PPARGC1A: variants seen among roughly 807,000 people sequenced by gnomAD.
PPARGC1A encodes the protein PPARG coactivator 1 alpha, also known as peroxisome proliferator-activated receptor gamma coactivator 1-alpha.
In PPARGC1A, 25 loss-of-function variants were observed where a neutral mutation model predicts 88.7. The ratio of observed to expected loss-of-function variants is 0.28; its 90% CI spans 0.21 to 0.39. The LOEUF is 0.39. Among genes scored for constraint, PPARGC1A ranks in the 10% least tolerant of loss-of-function variants. The pLI, the probability that PPARGC1A is intolerant of heterozygous loss-of-function variation, is 1.00. For synonymous variants in PPARGC1A, 363 were observed against 355.6 expected, an observed-to-expected ratio of 1.02 and a Z score of -0.24; for missense variants, 880 against 968.7, an observed-to-expected ratio of 0.91 and a Z score of 1.22.
the PPARGC1A span, among the ~76,000 whole-genome samples, chr4:24,202,640 C>G: frequency 3.9e-5 from 6 of 152,268 alleles, no homozygotes; most frequent in East Asian, 1.2e-3. Flanking sequence ...TGAGTCAACT[C>G]TCTTCTTCCT....
chr4:24,323,377 G>T, the PPARGC1A span, among the ~76,000 whole-genome samples: 2 of 152,126 alleles, frequency 1.3e-5, no homozygotes, highest in African/African-American at 4.8e-5. Context: ...AATCACAAAA[G>T]AAGTGAAAAG....
At chr4:23,984,930 T>C in the PPARGC1A span, among the ~76,000 whole-genome samples, 2 of 152,082 alleles carry the variant, frequency 1.3e-5, no homozygotes. Flanking sequence ...TCTTGATGCC[T>C]TGGGGAAGAT....
At chr4:24,088,622 G>A in the PPARGC1A span, among the ~76,000 whole-genome samples, 2 of 152,084 alleles carry the variant, frequency 1.3e-5, no homozygotes, top group Admixed American at 6.5e-5. Context: ...GTACTTGTAA[G>A]AATTATAAGT....
chr4:23,855,079 G>A (rs957754291), intron 2 of PPARGC1A, among the ~76,000 whole-genome samples: 5 of 152,092 alleles, frequency 3.3e-5, no homozygotes, highest in Admixed American at 6.6e-5. Context: ...TCATGAGATC[G>A]ATGGTTTTAT....
At chr4:24,351,880 G>C in the PPARGC1A span, among the ~76,000 whole-genome samples, 1 of 152,046 alleles carries the variant, frequency 6.6e-6, no homozygotes, top group African/African-American at 2.4e-5. Context: ...ACAAAGAAGA[G>C]AAAGGGTGTT....
chr4:24,145,688 G>A, the PPARGC1A span, among the ~76,000 whole-genome samples: 13 of 152,240 alleles, frequency 8.5e-5, no homozygotes, highest in South Asian at 2.1e-4. Context: ...TACCACGTTC[G>A]ACTTAGGTTT....
chr4:24,471,921 G>C, the PPARGC1A span, among the ~76,000 whole-genome samples: 2 of 152,210 alleles, frequency 1.3e-5, no homozygotes. The surrounding 1 kb of genome is among the most constrained non-coding windows in gnomAD (Gnocchi z 5.4). Context: ...GGGGAGTGGA[G>C]GGGGGACAGC....
the PPARGC1A span, among the ~76,000 whole-genome samples, chr4:24,213,315 C>A: frequency 1.3e-5 from 2 of 152,044 alleles, no homozygotes; most frequent in African/African-American, 4.8e-5. Context: ...TACAGGCGCC[C>A]ACCACCCGGC....
the PPARGC1A span, among the ~76,000 whole-genome samples, chr4:24,342,265 G>A: frequency 1.3e-5 from 2 of 151,998 alleles, no homozygotes; most frequent in Admixed American, 6.6e-5. Context: ...GCATACATTG[G>A]CTAATTCAAG....
At chr4:24,091,340 C>CT in the PPARGC1A span, 2 of 726,628 alleles carry the variant, frequency 2.8e-6, no homozygotes, top group South Asian at 6.2e-5. Flanking sequence ...CTACCCATGA[C>CT]TTTTTTCAAA....
At chr4:24,355,538 G>A in the PPARGC1A span, among the ~76,000 whole-genome samples, 34 of 152,014 alleles carry the variant, frequency 2.2e-4, no homozygotes, top group Non-Finnish European at 1.5e-5. Flanking sequence ...TGGGTCAATG[G>A]CTGTCACTGT....
At chr4:24,114,988 C>A in the PPARGC1A span, among the ~76,000 whole-genome samples, 2 of 152,064 alleles carry the variant, frequency 1.3e-5, no homozygotes, top group African/African-American at 2.4e-5. Flanking sequence ...ACTATGCTTG[C>A]GACAAAGAAA....
At chr4:24,097,940 T>C in the PPARGC1A span, among the ~76,000 whole-genome samples, 2 of 152,352 alleles carry the variant, frequency 1.3e-5, no homozygotes, top group African/African-American at 4.8e-5. Context: ...CTTGTAGGCT[T>C]ACCAAGATTC....
chr4:24,448,062 T>C, the PPARGC1A span, among the ~76,000 whole-genome samples: 1 of 152,372 alleles, frequency 6.6e-6, no homozygotes, highest in African/African-American at 2.4e-5. Context: ...ACCGTGGACA[T>C]CTGCCCTTAA....
the PPARGC1A span, among the ~76,000 whole-genome samples, chr4:24,387,806 AAGAAAGAAAGAAAGAAAGAGAGAAAGAG>A: frequency 1.7e-5 from 2 of 115,122 alleles, no homozygotes; most frequent in South Asian, 6.4e-4. Context: ...GAAAGAAAGA[AAGAAAGAAAGAAAGAAAGAGAGAAAGAG>A]AGAAAGAGAG....
the PPARGC1A span, among the ~76,000 whole-genome samples, chr4:24,325,927 A>G: frequency 6.6e-6 from 1 of 151,548 alleles, no homozygotes; most frequent in South Asian, 2.1e-4. Context: ...TCTTTTATGC[A>G]CTCTTTTTCA....
chr4:23,820,070 A>C (rs1722709744), intron 7 of PPARGC1A, among the ~76,000 whole-genome samples: 1 of 152,172 alleles, frequency 6.6e-6, no homozygotes, highest in African/African-American at 2.4e-5. Flanking sequence ...GCAATGTAAA[A>C]TTCAACATAA....
the PPARGC1A span, among the ~76,000 whole-genome samples, chr4:23,957,708 G>T: frequency 3.3e-5 from 5 of 152,172 alleles, no homozygotes; most frequent in Non-Finnish European, 4.4e-5. Flanking sequence ...AGAGAACAAG[G>T]TGGTAGTGAT....
At chr4:24,008,590 C>T in the PPARGC1A span, among the ~76,000 whole-genome samples, 1 of 152,058 alleles carries the variant, frequency 6.6e-6, no homozygotes, top group Non-Finnish European at 1.5e-5. Context: ...ACGCCAATAC[C>T]TATAATTCAC....
Sources: gnomAD v4.1 joint callset for allele counts (sites outside exome capture counted in the v4.1 genomes callset) on GRCh38, gnomAD v4.1.1 for gene constraint, Gnocchi (gnomAD v3.1) non-coding constraint, MANE v1.5 for transcripts, NCBI Gene and HGNC (gene_info 2026-07-23, HGNC 2026-07-21) for gene names.